Variants in ADGRF5 observed in about 807,000 individuals in gnomAD.
The protein encoded by ADGRF5 is adhesion G protein-coupled receptor F5.
ADGRF5 carries 75 observed loss-of-function variants against 132.3 expected under a neutral mutation model. The ratio of observed to expected loss-of-function variants is 0.57; its 90% CI spans 0.47 to 0.69. The LOEUF is 0.69. Among genes scored for constraint, ADGRF5 ranks in the 30% least tolerant of loss-of-function variants. The probability of loss-of-function intolerance (pLI) is 0.00; values close to 1 mark genes in which losing one functional copy is unlikely to be tolerated. For missense variants in ADGRF5, 1,516 were observed against 1,630.6 expected (o/e 0.93, Z 1.21); for synonymous variants, 629 against 597.6 (o/e 1.05, Z -0.77).
intron 10 of ADGRF5, among the ~76,000 whole-genome samples, chr6:46,875,457 G>T (rs1011278687): frequency 8.5e-5 from 13 of 152,142 alleles, no homozygotes; most frequent in Admixed American, 7.2e-4. Context: ...TGTGGGGAGT[G>T]GAGAAAAACC....
intron 5 of ADGRF5, 22 bp from the exon 6 acceptor site, chr6:46,883,687 T>A: frequency 8.4e-7 from 1 of 1,197,222 alleles, no homozygotes. Flanking sequence ...CACAGGGCAA[T>A]ATTTAAAAAT....
Position 46,856,162 on chromosome 6 carries a change from G to A in ADGRF5, c.3877-104C>T, listed in dbSNP as rs141214678. 2.4e-3 allele frequency: 1,653 copies of A among 675,894 alleles called. 7 individuals carry two copies. The highest frequency in any genetic ancestry group is 0.012 in the East Asian group (444 of 36,264). The allele number at this position is 675,894 out of a possible 1,614,324, so 41.9% of individuals were successfully genotyped here. A position where few individuals can be genotyped will look rare whatever the true frequency, so the allele number is the denominator to read the frequency against. ...TTTCCACCCTCTAGTGGTCACTGCC[G>A]GAATCTCTAGTCCCACTCCCAGAGG... On this transcript the variant is annotated intron_variant, in intron 19 of 20. Coordinates refer to ENST00000283296, the MANE Select transcript of ADGRF5 (RefSeq NM_001098518.2).
At position 46,867,134 on chromosome 6, in the gene ADGRF5, G is replaced by A. The variant is rs760091469; in HGVS notation, c.1625C>T (p.Thr542Ile). 28 of 1,582,160 alleles carry A rather than the reference G, an allele frequency of 1.8e-5. No homozygotes were observed. Among genetic ancestry groups the A allele is most frequent in the Non-Finnish European group, 2.4e-5 (28 of 1,153,256 alleles). ...CTTATATCTAAATATGCAGTGATAG[G>A]TTCCTGAGTAGAAGACGGCAAAAAT... is the stretch of plus-strand genomic sequence containing the variant. ...VKTSTREWNG[T>I]YHCIFRYKNS... The change falls in exon 13 of 21, where the codon ACC becomes ATC. Residue 542 changes from threonine (T) to isoleucine (I), a missense_variant. This residue lies in a region of ADGRF5 where 945 missense variants were observed against 929.4 expected (regional missense o/e 1.02). Transcript: ENST00000283296.
chr6:46,897,844 A>G (rs1188252216), intron 3 of ADGRF5, among the ~76,000 whole-genome samples: 2 of 152,152 alleles, frequency 1.3e-5, no homozygotes, highest in Non-Finnish European at 2.9e-5. Flanking sequence ...ACGCTGAGTC[A>G]TGTTCTTAAT....
rs1454348337 is a variant in ADGRF5, at chr6:46,869,082, T to C, written c.1422A>G (p.Thr474=). 6 of 1,613,808 alleles carry C rather than the reference T, an allele frequency of 3.7e-6. No individual in the cohort carries two copies. Among genetic ancestry groups the C allele is most frequent in the Admixed American group, 1.7e-5 (1 of 59,982 alleles). The change falls in exon 12 of 21, where the codon ACA becomes ACG. Residue 474 remains threonine, a synonymous_variant. Transcript: ENST00000283296. ...KVTFISVANL[T]ITPDPISVSE... ...AAACAGAAATTGGGTCCGGGGTTAT[T>C]GTTAGATTGGCTGAAAAAAAGGCAA...
chr6:46,854,024 T>A lies in ADGRF5; in HGVS notation c.4009A>T (p.Asn1337Tyr). The change falls in exon 21 of 21, where the codon AAC becomes TAC. Residue 1337 changes from asparagine (N) to tyrosine (Y), a missense_variant. Physicochemically the swap from Asn to Tyr is moderately radical, Grantham distance 143 (BLOSUM62 -2). Transcript: ENST00000283296. ...AGCAACGAAGAAGCACTGGATGAGT[T>A]TTCCAGGGATGAGCTGGTTGCTTCT... ...TPEATSSSLE[N>Y]SSSASSLLN The A allele has an allele frequency of 6.2e-7, 1 of 1,605,466 alleles. No homozygotes were observed. The highest frequency in any genetic ancestry group is 1.1e-5 in the South Asian group (1 of 89,884).
chr6:46,923,453 C>A (rs1777097254), upstream of ADGRF5, among the ~76,000 whole-genome samples: 1 of 152,116 alleles, frequency 6.6e-6, no homozygotes, highest in Non-Finnish European at 1.5e-5. Flanking sequence ...GGCTTGAGAC[C>A]AGAGTATTTG....
At chr6:46,874,284 C>T (rs1227833087) in intron 10 of ADGRF5, among the ~76,000 whole-genome samples, 1 of 152,172 alleles carries the variant, frequency 6.6e-6, no homozygotes, top group Non-Finnish European at 1.5e-5. Context: ...CTTGAACATG[C>T]CCTGTAGCTT....
At chr6:46,893,869 T>C (rs1014660404) in intron 3 of ADGRF5, among the ~76,000 whole-genome samples, 4 of 152,176 alleles carry the variant, frequency 2.6e-5, no homozygotes, top group African/African-American at 9.7e-5. Context: ...CATAAATCAC[T>C]GCCAGCCACA....
chr6:46,857,213 G>T (rs1431536405), intron 17 of ADGRF5, among the ~76,000 whole-genome samples: 1 of 152,198 alleles, frequency 6.6e-6, no homozygotes, highest in African/African-American at 2.4e-5. Context: ...ACATAGCTGT[G>T]ATAAGAATCT....
chr6:46,896,859 T>G (rs1040991369), intron 3 of ADGRF5, among the ~76,000 whole-genome samples: 14 of 152,132 alleles, frequency 9.2e-5, no homozygotes, highest in Non-Finnish European at 1.6e-4. Context: ...CATGTCACTA[T>G]GACTTAAAAA....
At position 46,884,181 on chromosome 6, in the gene ADGRF5, T is replaced by C. The variant is rs750366514; in HGVS notation, c.419A>G (p.Gln140Arg). ...RERCLHNLIC[Q>R]ERDVFLPGHH... ...CCCTGGGAGGAAGACGTCACGCTCT[T>C]GACAAATGAGATTGTGAAGACACCT... The change falls in exon 5 of 21, where the codon CAA becomes CGA. Residue 140 changes from glutamine (Q) to arginine (R), a missense_variant. Coordinates refer to ENST00000283296, the MANE Select transcript of ADGRF5 (RefSeq NM_001098518.2). The C allele has an allele frequency of 1.2e-6, 2 of 1,614,098 alleles. No homozygotes were observed. The highest frequency in any genetic ancestry group is 8.5e-7 in the Non-Finnish European group (1 of 1,179,928).
chr6:46,879,499 C>T (rs1772206671), intron 9 of ADGRF5, among the ~76,000 whole-genome samples: 1 of 152,144 alleles, frequency 6.6e-6, no homozygotes, highest in African/African-American at 2.4e-5. Flanking sequence ...CTCCTGCTGC[C>T]ATGCAAGACA....
At chr6:46,900,485 C>T (rs916446762) in intron 2 of ADGRF5, among the ~76,000 whole-genome samples, 2 of 152,072 alleles carry the variant, frequency 1.3e-5, no homozygotes, top group Non-Finnish European at 2.9e-5. Flanking sequence ...CTTCTCAACA[C>T]TCACCCTGTC....
chr6:46,894,214 T>G (rs554315202), intron 3 of ADGRF5, among the ~76,000 whole-genome samples: 1 of 152,342 alleles, frequency 6.6e-6, no homozygotes, highest in South Asian at 2.1e-4. Context: ...GCTTGTTTCT[T>G]GACATATTCT....
intron 3 of ADGRF5, 137 bp from the exon 4 acceptor site, chr6:46,888,642 G>A (rs1005727254): frequency 2.5e-5 from 16 of 640,208 alleles, no homozygotes; most frequent in Admixed American, 2.8e-5. Context: ...AATTTCTAAT[G>A]AAATCTTTAG....
In ADGRF5 at chr6:46,883,669, T is replaced by C. The variant is rs1772740560; in HGVS notation, c.506-4A>G. 1 of 1,474,918 alleles carries C rather than the reference T, an allele frequency of 6.8e-7. No individual in the cohort carries two copies. Among genetic ancestry groups the C allele is most frequent in the South Asian group, 1.2e-5 (1 of 83,314 alleles). The allele number at this position is 1,474,918 out of a possible 1,614,324, so 91.4% of individuals were successfully genotyped here. ...ACTCTCATGTTCAGGGTAACATCTG[T>C]TGAAAAACACAGGGCAATATTTAAA... On this transcript the variant is annotated splice_polypyrimidine_tract_variant and splice_region_variant and intron_variant, in intron 5 of 20. Transcript: ENST00000283296.
At chr6:46,895,130 T>A (rs1339178991) in intron 3 of ADGRF5, among the ~76,000 whole-genome samples, 2 of 151,904 alleles carry the variant, frequency 1.3e-5, no homozygotes, top group Non-Finnish European at 2.9e-5. Flanking sequence ...TGAGCCGAGA[T>A]CGCACCACTG....
At chr6:46,925,688 C>T (rs1372331941), upstream of ADGRF5, among the ~76,000 whole-genome samples, 1 of 152,208 alleles carries the variant, frequency 6.6e-6, no homozygotes, top group East Asian at 1.9e-4. Context: ...ACCTGAGAGG[C>T]AGAGGTTGCT....
Sources: allele counts gnomAD v4.1 joint callset (sites outside exome capture counted in the v4.1 genomes callset), GRCh38; gene constraint gnomAD v4.1.1; regional missense constraint gnomAD v4.1.1; transcripts MANE v1.5; gene names NCBI Gene and HGNC (gene_info 2026-07-23, HGNC 2026-07-21).